DCC: variants seen among roughly 807,000 people sequenced by gnomAD.
The protein encoded by DCC is DCC netrin 1 receptor, also known as netrin receptor DCC.
Under a neutral mutation model 172.5 loss-of-function variants are expected in DCC, and 58 were observed. The ratio of observed to expected loss-of-function variants is 0.34; its 90% CI spans 0.27 to 0.42. The LOEUF is 0.42. DCC is among the 10% of genes least tolerant of loss of function. The pLI, the probability that DCC is intolerant of heterozygous loss-of-function variation, is 1.00. For missense variants in DCC, 1,740 were observed against 1,791.0 expected (o/e 0.97, Z 0.51); for synonymous variants, 709 against 644.5 (o/e 1.10, Z -1.52).
At chr18:52,859,106 G>T (rs773782574) in intron 2 of DCC, among the ~76,000 whole-genome samples, 2 of 152,030 alleles carry the variant, frequency 1.3e-5, no homozygotes, top group Non-Finnish European at 2.9e-5. Flanking sequence ...TTTGAGAACA[G>T]CCTGGGCAAC....
chr18:53,531,052 A>C lies in DCC; in HGVS notation c.*399A>C. 1 of 281,046 alleles carries C rather than the reference A, an allele frequency of 3.6e-6. No individual in the cohort carries two copies. Among genetic ancestry groups the C allele is most frequent in the Non-Finnish European group, 7.0e-6 (1 of 143,558 alleles). The allele number at this position is 281,046 out of a possible 1,614,324, so 17.4% of individuals were successfully genotyped here. On this transcript the variant is annotated 3_prime_UTR_variant, in exon 29 of 29. Transcript: ENST00000442544. ...ATGCAAGTGCATTATTTAAGCCTGTACCATGCCATGGCAAACCAGTGCAAG... is the reference window on the plus strand; with the variant it reads ...ATGCAAGTGCATTATTTAAGCCTGTCCCATGCCATGGCAAACCAGTGCAAG...
chr18:52,743,289 T>A (rs1414549836), intron 1 of DCC, among the ~76,000 whole-genome samples: 1 of 152,192 alleles, frequency 6.6e-6, no homozygotes, highest in Non-Finnish European at 1.5e-5. Flanking sequence ...GAAAGACTGA[T>A]GAAAAACACG....
chr18:52,664,470 C>CTT (rs74178680), intron 1 of DCC, among the ~76,000 whole-genome samples: 6,915 of 99,366 alleles, frequency 0.07, 689 homozygotes, highest in South Asian at 0.15. Context: ...TTTTCTTTTT[C>CTT]TTTTTCTTTT....
At chr18:53,452,334 C>A (rs1419675990) in intron 23 of DCC, among the ~76,000 whole-genome samples, 1 of 152,172 alleles carries the variant, frequency 6.6e-6, no homozygotes, top group East Asian at 1.9e-4. Flanking sequence ...ACTAAACTAG[C>A]CAAATGTAAC....
In DCC at chr18:53,339,893, C is replaced by A; in HGVS notation, c.2345C>A (p.Ser782Tyr). ...GTGGACAGCAAGCAGCGATATTATTCCATTGAGAGGTTAGGTGAGTATCTG... is the reference window on the plus strand; with the variant it reads ...GTGGACAGCAAGCAGCGATATTATTACATTGAGAGGTTAGGTGAGTATCTG... ...VRVDSKQRYY[S>Y]IERLESSSHY... The change falls in exon 15 of 29, where the codon TCC becomes TAC. Residue 782 changes from serine to tyrosine, a missense_variant. Physicochemically the swap from Ser to Tyr is moderately radical, Grantham distance 144. Coordinates refer to ENST00000442544, the MANE Select transcript of DCC (RefSeq NM_005215.4). 1 of 1,613,256 alleles carries A rather than the reference C, an allele frequency of 6.2e-7. No homozygotes were observed. Among genetic ancestry groups the A allele is most frequent in the Non-Finnish European group, 8.5e-7 (1 of 1,179,562 alleles).
chr18:53,323,886 C>G (rs2057438576), intron 14 of DCC, among the ~76,000 whole-genome samples: 1 of 152,034 alleles, frequency 6.6e-6, no homozygotes, highest in African/African-American at 2.4e-5. Context: ...CTGAAAAAGG[C>G]CATCAAGAAT....
At chr18:52,879,629 A>G (rs749963986) in intron 2 of DCC, among the ~76,000 whole-genome samples, 2 of 151,414 alleles carry the variant, frequency 1.3e-5, no homozygotes, top group Non-Finnish European at 2.9e-5. Flanking sequence ...ACGGGATTTC[A>G]CCATATTGGC....
intron 5 of DCC, among the ~76,000 whole-genome samples, chr18:52,951,639 G>A (rs1178720805): frequency 6.6e-6 from 1 of 152,106 alleles, no homozygotes; most frequent in Middle Eastern, 3.2e-3. Context: ...CTGCATACAA[G>A]TCTTTTCAAA....
intron 2 of DCC, among the ~76,000 whole-genome samples, chr18:52,874,705 T>C (rs1316874580): frequency 1.3e-5 from 2 of 152,088 alleles, no homozygotes; most frequent in Admixed American, 1.3e-4. Context: ...AAATGGCCAT[T>C]GAGATACAGC....
chr18:53,089,954 C>T (rs2042978865), intron 7 of DCC, among the ~76,000 whole-genome samples: 1 of 151,898 alleles, frequency 6.6e-6, no homozygotes, highest in Non-Finnish European at 1.5e-5. Flanking sequence ...TATTTTATAC[C>T]AATTTCCAGT....
At chr18:52,842,477 GC>G (rs2038822992) in intron 2 of DCC, among the ~76,000 whole-genome samples, 1 of 152,056 alleles carries the variant, frequency 6.6e-6, no homozygotes, top group Non-Finnish European at 1.5e-5. Context: ...TTCTATTAAG[GC>G]CCTTAATGGA....
intron 12 of DCC, among the ~76,000 whole-genome samples, chr18:53,288,237 C>A (rs1383400609): frequency 2.0e-5 from 3 of 152,036 alleles, no homozygotes; most frequent in Admixed American, 6.6e-5. Flanking sequence ...GATCAACAAA[C>A]CTTTTCATTT....
intron 5 of DCC, among the ~76,000 whole-genome samples, chr18:53,003,315 A>T (rs982600646): frequency 6.6e-6 from 1 of 152,186 alleles, no homozygotes; most frequent in African/African-American, 2.4e-5. Context: ...ATGCTGTTAA[A>T]CTAAGAGGTC....
At chr18:53,479,203 A>T (rs1284423075) in intron 25 of DCC, among the ~76,000 whole-genome samples, 1 of 152,262 alleles carries the variant, frequency 6.6e-6, no homozygotes, top group Non-Finnish European at 1.5e-5. Context: ...TGATCTCATT[A>T]CCTAATACAT....
chr18:52,852,178 GAGA>G (rs1258003615), intron 2 of DCC, among the ~76,000 whole-genome samples: 1 of 152,004 alleles, frequency 6.6e-6, no homozygotes, highest in Admixed American at 6.6e-5. Context: ...GGCATATCAA[GAGA>G]AGAAATAAAA....
chr18:52,528,648 G>T (rs937013618), intron 1 of DCC, among the ~76,000 whole-genome samples: 1 of 151,786 alleles, frequency 6.6e-6, no homozygotes, highest in African/African-American at 2.4e-5. Context: ...TCACCCTAAG[G>T]TTTCATCATC....
chr18:52,520,138 C>T (rs760359834), intron 1 of DCC, among the ~76,000 whole-genome samples: 15 of 152,228 alleles, frequency 9.9e-5, no homozygotes, highest in Admixed American at 7.8e-4. Context: ...TGCTTCCAAG[C>T]TGCTCAGTTC....
chr18:52,696,820 T>G (rs1280839085), intron 1 of DCC, among the ~76,000 whole-genome samples: 1 of 152,168 alleles, frequency 6.6e-6, no homozygotes, highest in Non-Finnish European at 1.5e-5. Context: ...TACAATATAG[T>G]CAGGTGAATG....
At chr18:53,219,976 G>T (rs2055906640) in intron 12 of DCC, among the ~76,000 whole-genome samples, 1 of 141,490 alleles carries the variant, frequency 7.1e-6, no homozygotes, top group South Asian at 2.1e-4. Context: ...TGAGGATGTG[G>T]TGCAACTTGT....
Sources: gnomAD v4.1 joint callset for allele counts (sites outside exome capture counted in the v4.1 genomes callset) on GRCh38, gnomAD v4.1.1 for gene constraint, MANE v1.5 for transcripts, NCBI Gene and HGNC (gene_info 2026-07-23, HGNC 2026-07-21) for gene names.